The following OTOF variants were observed in gnomAD, a reference collection of about 807,000 sequenced individuals.
The protein encoded by OTOF is otoferlin, also known as fer-1-like family member 2.
OTOF carries 218 observed loss-of-function variants against 236.8 expected under a neutral mutation model. That is an observed-to-expected ratio of 0.92 (90% CI 0.82 to 1.03). The LOEUF is 1.03. Ranked by LOEUF, OTOF falls within the 50% of genes least tolerant of loss-of-function variation. OTOF has a pLI of 0.00. For synonymous variants in OTOF, 1,041 were observed against 1,072.5 expected (o/e 0.97, Z 0.57); for missense variants, 2,590 against 2,694.4 (o/e 0.96, Z 0.86).
At chr2:26,466,941 G>T (rs915849517) in intron 35 of OTOF, 90 bp from the exon 36 acceptor site, 2 of 1,581,996 alleles carry the variant, frequency 1.3e-6, no homozygotes, top group Non-Finnish European at 1.7e-6. Flanking sequence ...GCTGGACCCT[G>T]ATGTGGCAGG....
chr2:26,534,455 A>G (rs1319890574), intron 2 of OTOF, among the ~76,000 whole-genome samples: 1 of 152,150 alleles, frequency 6.6e-6, no homozygotes, highest in African/African-American at 2.4e-5. Flanking sequence ...AGGAGACACC[A>G]TGTCCAGGCT....
rs1407106063 is a variant in OTOF at position 26,475,459 on chromosome 2, T to G, written c.3026A>C (p.Gln1009Pro). 1 of 1,612,960 alleles carries G rather than the reference T, an allele frequency of 6.2e-7. No individual in the cohort carries two copies. The highest frequency in any genetic ancestry group is 2.2e-5 in the East Asian group (1 of 44,850). ...CTCCAGGTTGTCGAACACCAGCATC[T>G]GGTCCCAGGTGGGACACAGGGTCTC... ...LNETLCPTWD[Q>P]MLVFDNLELY... is the part of the protein sequence containing the mutation. The change falls in exon 25 of 47, where the codon CAG becomes CCG. Residue 1009 changes from glutamine (Q) to proline (P), a missense_variant. Gln to Pro is a moderately conservative substitution (Grantham distance 76). Transcript: ENST00000272371.
Position 26,480,605 on chromosome 2 carries a change from G to A in OTOF, c.1803+181C>T, listed in dbSNP as rs576050861. Among the ~76,000 whole-genome samples, 6 of 152,318 alleles carry A rather than the reference G, an allele frequency of 3.9e-5. No homozygotes were observed. In the East Asian group the frequency reaches 1.2e-3, roughly 29 times the overall value. ...CAGAGCACAGGCAGGCAGTGGACGA[G>A]GGCAGAGTCCTGTTGCGGGGCTGAG... On this transcript the variant is annotated intron_variant, in intron 15 of 46. Coordinates refer to ENST00000272371, the MANE Select transcript of OTOF (RefSeq NM_194248.3).
chr2:26,483,223 GTGTGTGGACT>G (rs1455147795), intron 13 of OTOF, among the ~76,000 whole-genome samples: 3 of 152,104 alleles, frequency 2.0e-5, no homozygotes, highest in Non-Finnish European at 4.4e-5. Flanking sequence ...GTGCGTGCCT[GTGTGTGGACT>G]TGTCTCCACT....
intron 2 of OTOF, among the ~76,000 whole-genome samples, chr2:26,532,425 C>T (rs975832747): frequency 6.6e-6 from 1 of 152,176 alleles, no homozygotes; most frequent in Non-Finnish European, 1.5e-5. Context: ...CAAACACAGT[C>T]ACTCAAGATG....
chr2:26,459,944 ATGTG>A, intron 46 of OTOF, 60 bp downstream of exon 46: 1 of 1,397,578 alleles, frequency 7.2e-7, no homozygotes, highest in Admixed American at 2.0e-5. Flanking sequence ...GTGCGTGTAT[ATGTG>A]TGTGTGTGCA....
At chr2:26,492,397 T>C (rs148119954) in intron 9 of OTOF, among the ~76,000 whole-genome samples, 1 of 152,208 alleles carries the variant, frequency 6.6e-6, no homozygotes, top group African/African-American at 2.4e-5. Context: ...CAGAGCTATT[T>C]GGGTTTGTGA....
intron 1 of OTOF, among the ~76,000 whole-genome samples, chr2:26,546,287 C>T (rs1163736319): frequency 2.6e-5 from 4 of 152,044 alleles, no homozygotes; most frequent in Non-Finnish European, 4.4e-5. Flanking sequence ...ATGGTGAAAC[C>T]TCGTCTCTAC....
chr2:26,484,348 G>T, intron 12 of OTOF, 126 bp downstream of exon 12: 1 of 1,000,914 alleles, frequency 1.0e-6, no homozygotes, highest in Non-Finnish European at 1.5e-6. Context: ...GGGCTGCTTG[G>T]GAGAGTGAGC....
chr2:26,478,695 A>G (rs199531261), intron 18 of OTOF, among the ~76,000 whole-genome samples: 1 of 29,640 alleles, frequency 3.4e-5, no homozygotes, highest in Non-Finnish European at 4.7e-5. Context: ...ATTTTGTTTT[A>G]TTTTATTTTA....
Position 26,474,128 on chromosome 2 carries a change from C to G in OTOF, c.3289-18G>C. On this transcript the variant is annotated intron_variant, in intron 26 of 46. Transcript: ENST00000272371. ...GGTCCAATCTGGGGAATGGGGGTCA[C>G]AGGTCACACACTGGGGAGCCCAGGG... The G allele has an allele frequency of 6.2e-7, 1 of 1,612,690 alleles. No homozygotes were observed. Among genetic ancestry groups the G allele is most frequent in the South Asian group, 1.1e-5 (1 of 91,082 alleles).
Position 26,483,639 on chromosome 2 carries a change from C to A in OTOF, c.1215G>T (p.Leu405=), listed in dbSNP as rs777177341. The A allele has an allele frequency of 9.3e-6, 15 of 1,612,032 alleles. No individual in the cohort carries two copies. The South Asian group carries it at 1.3e-4, about 14-fold the overall frequency. ...GTTCGGGGGGCACCCCCTCGGGGAG[C>A]AGCAAGTTCCTGCCAGCACATACAG... is the stretch of plus-strand genomic sequence containing the variant. ...TDEDDIEGNL[L]LPEGVPPERQ... The change falls in exon 13 of 47, where the codon CTG becomes CTT. Residue 405 remains leucine (L), a synonymous_variant. Transcript: ENST00000272371.
chr2:26,541,025 T>C (rs1572492019), intron 1 of OTOF, among the ~76,000 whole-genome samples: 1 of 152,352 alleles, frequency 6.6e-6, no homozygotes, highest in East Asian at 1.9e-4. Context: ...AGCATGTTTG[T>C]GTATGGGGGC....
rs780608069 is a variant in OTOF at position 26,516,617 on chromosome 2, G to A, written c.328-18C>T. On this transcript the variant is annotated intron_variant, in intron 4 of 46. Coordinates refer to ENST00000272371, the MANE Select transcript of OTOF (RefSeq NM_194248.3). ...AGGCTGGTCTGAAGGGAGGGAGGCG[G>A]TGGTGAGCAGCTGGGATGGTGACAG... is the stretch of plus-strand genomic sequence containing the variant. The A allele has an allele frequency of 8.7e-6, 14 of 1,601,378 alleles. No individual in the cohort carries two copies. The Admixed American group carries it at 1.8e-4, about 21-fold the overall frequency.
intron 8 of OTOF, 67 bp from the exon 9 acceptor site, chr2:26,495,140 G>A: frequency 1.3e-6 from 2 of 1,587,890 alleles, no homozygotes; most frequent in Admixed American, 3.4e-5. Flanking sequence ...TCCCGCAGGG[G>A]TCCAGGGGCT....
chr2:26,477,099 G>A lies in OTOF; in HGVS notation c.2524-56C>T. 1 of 1,551,670 alleles carries A rather than the reference G, an allele frequency of 6.4e-7. No homozygotes were observed. Among genetic ancestry groups the A allele is most frequent in the Non-Finnish European group, 8.8e-7 (1 of 1,138,292 alleles). On this transcript the variant is annotated intron_variant, in intron 21 of 46. Coordinates refer to ENST00000272371, the MANE Select transcript of OTOF (RefSeq NM_194248.3). The surrounding 1 kb of genome is among the most constrained non-coding windows in gnomAD (Gnocchi z 4.7). ...GGTAAGGGGGTCTAGCCTCCTGATT[G>A]AGCCCCCTGATCCTGAGGGGCCCCA...
chr2:26,460,099 G>T lies in OTOF; in HGVS notation c.5920C>A (p.Leu1974Met). 6.3e-7 allele frequency: 1 copy of T among 1,583,202 alleles called. No homozygotes were observed. The highest frequency in any genetic ancestry group is 8.6e-7 in the Non-Finnish European group (1 of 1,164,186). ...WLLLKLLLLL[L>M]LLLLLALFLY... ...AACAGGGCGAGGAGGAGGAGCAGCA[G>T]CAGGAGCAGCAACAGTTTGAGGAGC... is the stretch of plus-strand genomic sequence containing the variant. Residue 1974 changes from leucine (L) to methionine (M), a missense_variant, in exon 46 of 47, where the codon CTG becomes ATG. This residue lies in a region of OTOF where 1,211 missense variants were observed against 1,352.8 expected (regional missense o/e 0.90). Transcript: ENST00000272371. This position sits in a 1 kb window ranked among gnomAD's most constrained non-coding sequence, Gnocchi z 5.3.
chr2:26,541,050 T>A (rs1039908715), intron 1 of OTOF, among the ~76,000 whole-genome samples: 1 of 152,216 alleles, frequency 6.6e-6, no homozygotes, highest in Admixed American at 6.5e-5. Flanking sequence ...CCTAAAGACC[T>A]GCTGCTCTGA....
intron 11 of OTOF, 87 bp downstream of exon 11, chr2:26,489,124 A>G: frequency 1.0e-6 from 1 of 963,118 alleles, no homozygotes; most frequent in Non-Finnish European, 1.6e-6. Flanking sequence ...GCCTTTTCCC[A>G]GGAACTGCCA....
Sources: gnomAD v4.1 joint callset for allele counts (sites outside exome capture counted in the v4.1 genomes callset) on GRCh38, gnomAD v4.1.1 for gene constraint, gnomAD v4.1.1 regional missense constraint, Gnocchi (gnomAD v3.1) non-coding constraint, MANE v1.5 for transcripts, NCBI Gene and HGNC (gene_info 2026-07-23, HGNC 2026-07-21) for gene names.